The following ZBTB20 variants were observed in gnomAD, a reference collection of about 807,000 sequenced individuals.
The protein encoded by ZBTB20 is zinc finger and BTB domain-containing protein 20.
ZBTB20 carries 9 observed loss-of-function variants against 56.9 expected under a neutral mutation model. The ratio of observed to expected loss-of-function variants is 0.16; its 90% CI spans 0.10 to 0.28. The LOEUF is 0.28. Ranked by LOEUF, ZBTB20 falls within the 10% of genes least tolerant of loss-of-function variation. The pLI is 1.00. For synonymous variants in ZBTB20, 417 were observed against 420.7 expected (o/e 0.99, Z 0.11); for missense variants, 655 against 1,003.0 (o/e 0.65, Z 4.69).
chr3:114,702,886 C>T (rs2063481935), intron 5 of ZBTB20, among the ~76,000 whole-genome samples: 1 of 151,914 alleles, frequency 6.6e-6, no homozygotes. Context: ...GTAGAGTATG[C>T]CAACTTTACA....
chr3:114,766,776 C>T (rs919199190), intron 5 of ZBTB20, among the ~76,000 whole-genome samples: 1 of 151,908 alleles, frequency 6.6e-6, no homozygotes, highest in South Asian at 2.1e-4. Context: ...TTCTGACAGC[C>T]AAGTCAATCC....
At chr3:114,775,252 T>C (rs757877369) in intron 5 of ZBTB20, among the ~76,000 whole-genome samples, 5 of 152,122 alleles carry the variant, frequency 3.3e-5, no homozygotes, top group African/African-American at 7.2e-5. Context: ...AAAAAAAATA[T>C]GTTGTATCAG....
intron 4 of ZBTB20, among the ~76,000 whole-genome samples, chr3:114,899,644 C>T (rs1021042426): frequency 6.6e-6 from 1 of 152,136 alleles, no homozygotes; most frequent in Non-Finnish European, 1.5e-5. Context: ...AAGTAAGAAT[C>T]TTTCAGAGTC....
chr3:114,487,627 A>G (rs2042280275), intron 7 of ZBTB20, among the ~76,000 whole-genome samples: 3 of 152,138 alleles, frequency 2.0e-5, no homozygotes, highest in Admixed American at 2.0e-4. Context: ...ACCCTCGGGA[A>G]GACTCGAGGA....
At chr3:114,710,230 A>G (rs1202491933) in intron 5 of ZBTB20, 3 of 152,202 alleles carry the variant, frequency 2.0e-5, no homozygotes, top group Non-Finnish European at 4.4e-5. Flanking sequence ...CAGTACTTGC[A>G]TGTTCATCAT....
intron 1 of ZBTB20, among the ~76,000 whole-genome samples, chr3:115,138,529 T>C (rs1197087150): frequency 6.6e-6 from 1 of 152,074 alleles, no homozygotes; most frequent in African/African-American, 2.4e-5. Context: ...TGAGTTAAAA[T>C]CGTCCCAGAA....
At chr3:115,097,863 G>C (rs2083436818) in intron 1 of ZBTB20, among the ~76,000 whole-genome samples, 1 of 152,128 alleles carries the variant, frequency 6.6e-6, no homozygotes, top group Admixed American at 6.5e-5. Context: ...ATTTTATAAT[G>C]TCCTTCTGTA....
rs1389207976 is a variant in ZBTB20, at chr3:114,422,228, ACTCCTGGAATT to A, written c.-254-33134_-254-33124del. Among the ~76,000 whole-genome samples the A allele has an allele frequency of 3.3e-5, 5 of 152,162 alleles. No homozygotes were observed. In the East Asian group the frequency reaches 9.7e-4, roughly 29 times the overall value. ...CTATAGCTTTCCTATTTTGTTCCAC[ACTCCTGGAATT>A]CTCACAATGGGATTCAAAGCTCACC... On this transcript the variant is annotated intron_variant, in intron 7 of 11. Coordinates refer to ENST00000675478, the MANE Select transcript of ZBTB20 (RefSeq NM_001348800.3).
intron 6 of ZBTB20, among the ~76,000 whole-genome samples, chr3:114,644,418 T>C (rs1480443481): frequency 6.6e-6 from 1 of 152,114 alleles, no homozygotes; most frequent in Admixed American, 6.6e-5. Context: ...ACAGGTTATG[T>C]TATGGTTCAT....
chr3:114,960,494 T>C (rs912069851), intron 3 of ZBTB20, among the ~76,000 whole-genome samples: 1 of 152,228 alleles, frequency 6.6e-6, no homozygotes, highest in African/African-American at 2.4e-5. Context: ...TGCCCAAGGT[T>C]AAAACATATA....
In ZBTB20 at chr3:114,326,950, T is replaced by G. The variant is rs1315981803; in HGVS notation, c.*12055A>C. ...TGCAGACTTTCTGAAATGCATTGTA[T>G]GTGTGTGTGTTGCAGAGGGAGAGGG... On this transcript the variant is annotated 3_prime_UTR_variant, in exon 12 of 12. Transcript: ENST00000675478. 2 of 152,104 alleles carry G rather than the reference T, an allele frequency of 1.3e-5. No homozygotes were observed. Among genetic ancestry groups the G allele is most frequent in the East Asian group, 3.9e-4 (2 of 5,186 alleles). 9.4% of individuals were successfully genotyped at this position (152,104 alleles called of 1,614,324 possible).
intron 3 of ZBTB20, among the ~76,000 whole-genome samples, chr3:114,937,018 A>T (rs556608193): frequency 6.6e-4 from 101 of 152,322 alleles, no homozygotes; most frequent in Non-Finnish European, 1.2e-3. Context: ...AGTCCTGAGA[A>T]AGTCTCAGCC....
chr3:114,662,717 C>A (rs2060810843), intron 6 of ZBTB20, among the ~76,000 whole-genome samples: 1 of 148,826 alleles, frequency 6.7e-6, no homozygotes, highest in Non-Finnish European at 1.5e-5. Context: ...TGAGAAGTGT[C>A]TGTTCATGTC....
intron 7 of ZBTB20, among the ~76,000 whole-genome samples, chr3:114,414,185 A>C (rs975508513): frequency 1.3e-5 from 2 of 152,172 alleles, no homozygotes; most frequent in Non-Finnish European, 2.9e-5. Flanking sequence ...ATATTAACAG[A>C]AACTCTTCTC....
intron 2 of ZBTB20, among the ~76,000 whole-genome samples, chr3:115,059,829 A>G (rs1370286318): frequency 6.6e-6 from 1 of 152,150 alleles, no homozygotes; most frequent in Non-Finnish European, 1.5e-5. Context: ...TATTATTTTT[A>G]AGTGTATACC....
At chr3:114,395,295 G>A (rs1014572657) in intron 7 of ZBTB20, among the ~76,000 whole-genome samples, 1 of 152,094 alleles carries the variant, frequency 6.6e-6, no homozygotes, top group African/African-American at 2.4e-5. Flanking sequence ...AAAAAAAAGA[G>A]TTAGAAAGTG....
chr3:114,757,079 G>A (rs951553909), intron 5 of ZBTB20, among the ~76,000 whole-genome samples: 5 of 152,172 alleles, frequency 3.3e-5, no homozygotes, highest in South Asian at 2.1e-4. Context: ...TCTGGCCTCC[G>A]CATGTCTCTT....
At chr3:114,762,313 T>C (rs576792330) in intron 5 of ZBTB20, among the ~76,000 whole-genome samples, 1 of 152,334 alleles carries the variant, frequency 6.6e-6, no homozygotes, top group South Asian at 2.1e-4. Flanking sequence ...AATAATCCCA[T>C]GCTGCTAACT....
rs544933588 is a variant in ZBTB20 at position 114,403,932 on chromosome 3, T to C, written c.-254-14827A>G. On this transcript the variant is annotated intron_variant, in intron 7 of 11. Coordinates refer to ENST00000675478, the MANE Select transcript of ZBTB20 (RefSeq NM_001348800.3). ...CGAGTCTCATTTTTCTCATATATAA[T>C]GTGGGAGTGTTAGATTAGATGGTTT... Among the ~76,000 whole-genome samples the C allele has an allele frequency of 3.3e-5, 5 of 152,246 alleles. No individual in the cohort carries two copies. In the East Asian group the frequency reaches 9.7e-4, roughly 29 times the overall value.
Sources: allele counts gnomAD v4.1 joint callset (sites outside exome capture counted in the v4.1 genomes callset), GRCh38; gene constraint gnomAD v4.1.1; transcripts MANE v1.5; gene names NCBI Gene and HGNC (gene_info 2026-07-23, HGNC 2026-07-21).